The following SSBP2 variants were observed in gnomAD, a reference collection of about 807,000 sequenced individuals.
The protein encoded by SSBP2 is single-stranded DNA-binding protein 2.
A neutral mutation model predicts 61.8 loss-of-function variants in SSBP2; 17 were observed. That is an observed-to-expected ratio of 0.28 (90% CI 0.19 to 0.41). The LOEUF (loss-of-function observed/expected upper bound fraction) is 0.41. SSBP2 is among the 10% of genes least tolerant of loss of function. The pLI, the probability that SSBP2 is intolerant of heterozygous loss-of-function variation, is 1.00. For synonymous variants in SSBP2, 139 were observed against 141.3 expected, an observed-to-expected ratio of 0.98 and a Z score of 0.12; for missense variants, 310 against 458.7, an observed-to-expected ratio of 0.68 and a Z score of 2.96.
chr5:81,672,904 T>C (rs1386172959), intron 1 of SSBP2, among the ~76,000 whole-genome samples: 1 of 150,014 alleles, frequency 6.7e-6, no homozygotes, highest in Non-Finnish European at 1.5e-5. Flanking sequence ...AGTCTCGTGC[T>C]ATCCCTCAGG....
chr5:81,724,103 A>C (rs1755718949), intron 1 of SSBP2, among the ~76,000 whole-genome samples: 1 of 151,514 alleles, frequency 6.6e-6, no homozygotes, highest in African/African-American at 2.4e-5. Flanking sequence ...ATGAAAGCAC[A>C]CATTTATTTT....
intron 4 of SSBP2, among the ~76,000 whole-genome samples, chr5:81,602,959 C>T (rs890671530): frequency 7.9e-5 from 12 of 152,142 alleles, no homozygotes; most frequent in African/African-American, 2.9e-4. Flanking sequence ...TGAGTCCCTT[C>T]CAAGCTTCAT....
intron 3 of SSBP2, among the ~76,000 whole-genome samples, chr5:81,629,310 T>C (rs1433116502): frequency 6.6e-6 from 1 of 152,232 alleles, no homozygotes; most frequent in Non-Finnish European, 1.5e-5. Context: ...TTTATGTTGA[T>C]GCCAACTGAG....
intron 4 of SSBP2, among the ~76,000 whole-genome samples, chr5:81,594,619 G>T (rs1356930967): frequency 1.3e-5 from 2 of 152,174 alleles, no homozygotes; most frequent in African/African-American, 4.8e-5. Context: ...AAATGTAAAA[G>T]AACAGAAACT....
At chr5:81,449,209 C>CA (rs989935431) in intron 10 of SSBP2, among the ~76,000 whole-genome samples, 19 of 152,066 alleles carry the variant, frequency 1.2e-4, no homozygotes, top group African/African-American at 4.6e-4. Flanking sequence ...CTAAGCTATG[C>CA]AAAAAAAGTT....
chr5:81,672,777 T>C (rs111791123), intron 1 of SSBP2, among the ~76,000 whole-genome samples: 33,107 of 151,958 alleles, frequency 0.22, 4,084 homozygotes, highest in Non-Finnish European at 0.29. Flanking sequence ...TTTCACCATA[T>C]TGACCAGGCT....
intron 1 of SSBP2, among the ~76,000 whole-genome samples, chr5:81,708,415 A>G (rs1754544678): frequency 1.3e-5 from 2 of 152,164 alleles, no homozygotes; most frequent in Admixed American, 1.3e-4. Flanking sequence ...AAAGCATTAA[A>G]CAATATAATA....
At chr5:81,592,106 G>A (rs1036272928) in intron 4 of SSBP2, among the ~76,000 whole-genome samples, 11 of 152,306 alleles carry the variant, frequency 7.2e-5, no homozygotes, top group East Asian at 1.9e-4. Flanking sequence ...GGTGACAGAC[G>A]GCACCTGGAA....
chr5:81,654,981 A>G (rs1178675678), intron 1 of SSBP2, among the ~76,000 whole-genome samples: 1 of 151,552 alleles, frequency 6.6e-6, no homozygotes, highest in Non-Finnish European at 1.5e-5. Context: ...TAATATATAT[A>G]TATACTTATA....
intron 2 of SSBP2, among the ~76,000 whole-genome samples, chr5:81,642,736 G>A (rs537763829): frequency 5.9e-5 from 9 of 152,216 alleles, no homozygotes; most frequent in Middle Eastern, 3.4e-3. Flanking sequence ...TTCATAGAAT[G>A]AAATATGCTA....
chr5:81,436,032 A>C (rs182438043), intron 15 of SSBP2, among the ~76,000 whole-genome samples: 50 of 152,144 alleles, frequency 3.3e-4, no homozygotes, highest in African/African-American at 1.2e-3. Context: ...TACTAAAAAT[A>C]CGAAAATTAG....
At chr5:81,503,389 G>T (rs1767945812) in intron 5 of SSBP2, among the ~76,000 whole-genome samples, 1 of 152,190 alleles carries the variant, frequency 6.6e-6, no homozygotes, top group East Asian at 1.9e-4. Context: ...GGGAGGGGGA[G>T]GTTGCAATGA....
At chr5:81,581,992 C>T (rs905679527) in intron 4 of SSBP2, among the ~76,000 whole-genome samples, 1 of 152,080 alleles carries the variant, frequency 6.6e-6, no homozygotes, top group Admixed American at 6.5e-5. Flanking sequence ...TGTAACTCAG[C>T]TAAGTCCTTT....
At chr5:81,479,180 A>C (rs1765802036) in intron 6 of SSBP2, among the ~76,000 whole-genome samples, 1 of 152,230 alleles carries the variant, frequency 6.6e-6, no homozygotes, top group Non-Finnish European at 1.5e-5. Context: ...TTAAACCTTT[A>C]ATATCAGAAA....
At chr5:81,667,748 T>A (rs923664057) in intron 1 of SSBP2, among the ~76,000 whole-genome samples, 5 of 152,152 alleles carry the variant, frequency 3.3e-5, no homozygotes, top group African/African-American at 1.2e-4. Context: ...AATTGTTACC[T>A]CTACAGAGAA....
chr5:81,720,436 A>G (rs532021741), intron 1 of SSBP2, among the ~76,000 whole-genome samples: 1 of 152,354 alleles, frequency 6.6e-6, no homozygotes, highest in East Asian at 1.9e-4. Flanking sequence ...TGAGAAAGTC[A>G]TACTACTGCT....
At chr5:81,489,198 T>C in intron 6 of SSBP2, 52 bp downstream of exon 6, 1 of 1,418,442 alleles carries the variant, frequency 7.0e-7, no homozygotes, top group South Asian at 1.2e-5. Context: ...ATATGTGACA[T>C]TTTCAAGATC....
At chr5:81,546,881 C>G (rs1771766533) in intron 4 of SSBP2, among the ~76,000 whole-genome samples, 1 of 151,448 alleles carries the variant, frequency 6.6e-6, no homozygotes, top group Admixed American at 6.6e-5. Flanking sequence ...CAATATGTTC[C>G]ATAAAACCTT....
chr5:81,558,429 G>A (rs1206732219), intron 4 of SSBP2, among the ~76,000 whole-genome samples: 3 of 152,170 alleles, frequency 2.0e-5, no homozygotes, highest in Non-Finnish European at 4.4e-5. Context: ...ATCCTCACAC[G>A]ACAGAGAACA....
Sources: allele counts gnomAD v4.1 joint callset (sites outside exome capture counted in the v4.1 genomes callset), GRCh38; gene constraint gnomAD v4.1.1; transcripts MANE v1.5; gene names NCBI Gene and HGNC (gene_info 2026-07-23, HGNC 2026-07-21).